CNTNAP2: variants seen among roughly 807,000 people sequenced by gnomAD.
CNTNAP2 encodes the protein contactin associated protein 2, also known as contactin-associated protein-like 2.
A neutral mutation model predicts 155.2 loss-of-function variants in CNTNAP2; 98 were observed. That is an observed-to-expected ratio of 0.63 (90% confidence interval 0.54 to 0.75). CNTNAP2 has a LOEUF of 0.75. CNTNAP2 is among the 30% of genes least tolerant of loss of function. The pLI is 0.00. For synonymous variants in CNTNAP2, 651 were observed against 631.2 expected, an observed-to-expected ratio of 1.03 and a Z score of -0.47; for missense variants, 1,727 against 1,688.1, an observed-to-expected ratio of 1.02 and a Z score of -0.40.
Position 146,348,845 on chromosome 7 carries a change from A to G in CNTNAP2, c.97+231872A>G, listed in dbSNP as rs188410470. ...TAATATATGTTATATATTATATATAATATACTTAATTTATAACTATTGTAT... is the reference window on the plus strand; with the variant it reads ...TAATATATGTTATATATTATATATAGTATACTTAATTTATAACTATTGTAT... On this transcript the variant is annotated intron_variant, in intron 1 of 23. Transcript: ENST00000361727. Among the ~76,000 whole-genome samples, 200 of 148,568 alleles carry G rather than the reference A, an allele frequency of 1.3e-3. 1 individual carries two copies. The highest frequency in any genetic ancestry group is 4.7e-3 in the African/African-American group (191 of 40,934).
Position 147,069,780 on chromosome 7 carries a change from T to C in CNTNAP2, c.550+25726T>C, listed in dbSNP as rs1799854148. On this transcript the variant is annotated intron_variant, in intron 4 of 23. Transcript: ENST00000361727. The stretch of plus-strand genomic sequence containing the variant: ...TAGAGTTGTCCAATAGAATTTTCTG[T>C]GATAGAGGAAATATTCCACTTCTGC... 2.0e-5 allele frequency among the ~76,000 whole-genome samples: 3 copies of C among 152,212 alleles called. No homozygotes were observed. The South Asian group carries it at 6.2e-4, about 31-fold the overall frequency.
intron 17 of CNTNAP2, among the ~76,000 whole-genome samples, chr7:148,162,601 T>A (rs1288604283): frequency 1.3e-5 from 2 of 152,228 alleles, no homozygotes; most frequent in South Asian, 2.1e-4. Flanking sequence ...CAAAAAAGTG[T>A]CTTCTCTTTG....
At chr7:146,885,368 G>A (rs1795635321) in intron 3 of CNTNAP2, among the ~76,000 whole-genome samples, 1 of 152,210 alleles carries the variant, frequency 6.6e-6, no homozygotes, top group African/African-American at 2.4e-5. Context: ...GGATCCAGTA[G>A]TCTAATGTAA....
chr7:147,854,804 CT>C (rs1799009401), intron 13 of CNTNAP2, among the ~76,000 whole-genome samples: 1 of 152,134 alleles, frequency 6.6e-6, no homozygotes, highest in Admixed American at 6.5e-5. Context: ...TGTGCATCTA[CT>C]TTTTCAACCA....
chr7:146,596,595 CAGAGAGAGAGAGAGAGAG>C (rs368697909), intron 1 of CNTNAP2, among the ~76,000 whole-genome samples: 1,970 of 105,082 alleles, frequency 0.019, 26 homozygotes, highest in Middle Eastern at 0.081. Context: ...AGAAGGGAGA[CAGAGAGAGAGAGAGAGAG>C]AGAGAGAGAG....
intron 13 of CNTNAP2, among the ~76,000 whole-genome samples, chr7:147,648,238 C>G (rs549229328): frequency 6.6e-6 from 1 of 152,164 alleles, no homozygotes; most frequent in East Asian, 1.9e-4. Context: ...TAATAGGTCC[C>G]AGGAGAGAAA....
At chr7:147,355,911 G>C (rs1161681688) in intron 9 of CNTNAP2, among the ~76,000 whole-genome samples, 1 of 152,118 alleles carries the variant, frequency 6.6e-6, no homozygotes, top group Admixed American at 6.6e-5. Flanking sequence ...TGGAAAAAGA[G>C]AGACTCCTCC....
At chr7:147,429,669 G>A (rs1330064748) in intron 10 of CNTNAP2, among the ~76,000 whole-genome samples, 1 of 151,980 alleles carries the variant, frequency 6.6e-6, no homozygotes, top group African/African-American at 2.4e-5. Context: ...TTTTTCTGAT[G>A]TTATCTTCTA....
intron 13 of CNTNAP2, among the ~76,000 whole-genome samples, chr7:147,710,358 C>T (rs1796385557): frequency 6.6e-6 from 1 of 152,186 alleles, no homozygotes; most frequent in African/African-American, 2.4e-5. Context: ...ACCATCACCA[C>T]TCCTGAAACA....
chr7:146,319,913 G>C (rs149926976), intron 1 of CNTNAP2, among the ~76,000 whole-genome samples: 15 of 152,154 alleles, frequency 9.9e-5, no homozygotes, highest in Admixed American at 2.6e-4. Flanking sequence ...GAAAAGGCGA[G>C]TTCATTCTTT....
rs529535992 is a variant in CNTNAP2, at chr7:146,822,542, G to A, written c.209-17169G>A. 1.5e-4 allele frequency among the ~76,000 whole-genome samples: 22 copies of A among 150,226 alleles called. No homozygotes were observed. The South Asian group carries it at 2.3e-3, about 16-fold the overall frequency. ...CCTTCCCCTGTTTTTAATAATGCTC[G>A]TTGTTTTGTTCCTACAGTGTCTGAG... On this transcript the variant is annotated intron_variant, in intron 2 of 23. Transcript: ENST00000361727.
chr7:147,500,962 G>A (rs1798799705), intron 11 of CNTNAP2, among the ~76,000 whole-genome samples: 1 of 151,998 alleles, frequency 6.6e-6, no homozygotes, highest in Admixed American at 6.6e-5. Flanking sequence ...TCCCTGATGA[G>A]CATACATGCA....
chr7:147,379,837 A>G (rs1468778593), intron 9 of CNTNAP2, among the ~76,000 whole-genome samples: 1 of 152,040 alleles, frequency 6.6e-6, no homozygotes, highest in Non-Finnish European at 1.5e-5. Flanking sequence ...GAAATCCAAA[A>G]TTCTGCATTG....
At chr7:147,928,285 T>C (rs1180168340) in intron 14 of CNTNAP2, among the ~76,000 whole-genome samples, 1 of 152,202 alleles carries the variant, frequency 6.6e-6, no homozygotes, top group Non-Finnish European at 1.5e-5. Flanking sequence ...GGGAAAATTA[T>C]ATAACCTCTT....
chr7:147,196,545 T>C (rs1563111977), intron 8 of CNTNAP2, among the ~76,000 whole-genome samples: 1 of 152,198 alleles, frequency 6.6e-6, no homozygotes, highest in African/African-American at 2.4e-5. Flanking sequence ...CTGCATTAAG[T>C]TCAATGTAAT....
At position 146,471,051 on chromosome 7, in the gene CNTNAP2, AAT is replaced by A. The variant is rs1796790909; in HGVS notation, c.98-303217_98-303216del. Among the ~76,000 whole-genome samples the A allele has an allele frequency of 2.0e-5, 3 of 152,340 alleles. No homozygotes were observed. The South Asian group carries it at 6.2e-4, about 32-fold the overall frequency. ...ACTTACATGGGTTAATAAAAAATACAATATTCACAGAATGATTGGGAGTGGAA... is the reference window on the plus strand; with the variant it reads ...ACTTACATGGGTTAATAAAAAATACAATTCACAGAATGATTGGGAGTGGAA... On this transcript the variant is annotated intron_variant, in intron 1 of 23. Transcript: ENST00000361727.
intron 15 of CNTNAP2, among the ~76,000 whole-genome samples, chr7:148,040,060 T>C (rs2527055): frequency 0.44 from 66,384 of 152,026 alleles, 15,044 homozygotes; most frequent in East Asian, 0.77. Flanking sequence ...AACTTGTTAG[T>C]TTTGGCTTCA....
chr7:146,597,869 A>C (rs964499564), intron 1 of CNTNAP2, among the ~76,000 whole-genome samples: 2 of 152,166 alleles, frequency 1.3e-5, no homozygotes, highest in African/African-American at 4.8e-5. Flanking sequence ...AAATTATAAC[A>C]ATCAGCAAAA....
chr7:146,533,265 GA>G (rs1192978252), intron 1 of CNTNAP2, among the ~76,000 whole-genome samples: 3 of 152,098 alleles, frequency 2.0e-5, no homozygotes, highest in African/African-American at 7.2e-5. Context: ...ATGCAAGTGG[GA>G]AATTTGAAGC....
Sources: allele counts gnomAD v4.1 joint callset (sites outside exome capture counted in the v4.1 genomes callset), GRCh38; gene constraint gnomAD v4.1.1; transcripts MANE v1.5; gene names NCBI Gene and HGNC (gene_info 2026-07-23, HGNC 2026-07-21).